SEPTIN14: variants seen among roughly 807,000 people sequenced by gnomAD.
SEPTIN14 encodes septin 14.
Under a neutral mutation model 53.6 loss-of-function variants are expected in SEPTIN14, and 40 were observed. The observed-to-expected ratio is 0.75, with a 90% CI of 0.58 to 0.97. The LOEUF (loss-of-function observed/expected upper bound fraction) is 0.97. SEPTIN14 is among the 50% of genes least tolerant of loss of function. The pLI is 0.00. For missense variants in SEPTIN14, 471 were observed against 508.2 expected, an observed-to-expected ratio of 0.93 and a Z score of 0.70; for synonymous variants, 138 against 166.8, an observed-to-expected ratio of 0.83 and a Z score of 1.33.
chr7:55,827,321 T>C (rs1303736270), intron 6 of SEPTIN14, among the ~76,000 whole-genome samples: 1 of 152,194 alleles, frequency 6.6e-6, no homozygotes, highest in African/African-American at 2.4e-5. Flanking sequence ...GCTGTCTGTA[T>C]TGGCCTGAGG....
chr7:55,806,858 A>G (rs570444089), intron 8 of SEPTIN14, among the ~76,000 whole-genome samples: 1 of 152,324 alleles, frequency 6.6e-6, no homozygotes, highest in South Asian at 2.1e-4. Context: ...TTCAGCATAT[A>G]TACATATTGA....
At chr7:55,829,223 C>CA (rs113532047) in intron 6 of SEPTIN14, among the ~76,000 whole-genome samples, 9 of 151,590 alleles carry the variant, frequency 5.9e-5, no homozygotes, top group South Asian at 2.1e-4. Flanking sequence ...TACTAAAATA[C>CA]AAAAAATCAG....
chr7:55,851,518 A>G lies in SEPTIN14; in HGVS notation c.55-4881T>C, dbSNP rs139997950. On this transcript the variant is annotated intron_variant, in intron 2 of 9. Coordinates refer to ENST00000388975, the MANE Select transcript of SEPTIN14 (RefSeq NM_207366.3). ...CATTTATTCTAGAAATGCAAGGTTAATTCAGCACTCAAAAATCAATAAATG... is the reference window on the plus strand; with the variant it reads ...CATTTATTCTAGAAATGCAAGGTTAGTTCAGCACTCAAAAATCAATAAATG... 2.8e-3 allele frequency among the ~76,000 whole-genome samples: 424 copies of G among 152,310 alleles called. 5 individuals carry two copies. Among genetic ancestry groups the G allele is most frequent in the Middle Eastern group, 0.01 (3 of 294 alleles).
intron 6 of SEPTIN14, among the ~76,000 whole-genome samples, chr7:55,821,368 C>A (rs1320990170): frequency 6.6e-6 from 1 of 152,178 alleles, no homozygotes; most frequent in East Asian, 1.9e-4. Context: ...GGTGGGTAAC[C>A]TGCCATTGTT....
At chr7:55,796,907 A>G (rs1424997555) in intron 9 of SEPTIN14, among the ~76,000 whole-genome samples, 2 of 151,876 alleles carry the variant, frequency 1.3e-5, no homozygotes, top group Non-Finnish European at 2.9e-5. Context: ...GGCAGATCAC[A>G]AGGTCAGGAG....
At chr7:55,816,204 G>T (rs1235268926) in intron 7 of SEPTIN14, among the ~76,000 whole-genome samples, 1 of 152,040 alleles carries the variant, frequency 6.6e-6, no homozygotes, top group East Asian at 1.9e-4. Flanking sequence ...AGCTAGGAAA[G>T]GATTGGGGAG....
intron 3 of SEPTIN14, among the ~76,000 whole-genome samples, chr7:55,846,077 ATATATATATATATATG>A (rs1352621634): frequency 8.1e-6 from 1 of 123,442 alleles, no homozygotes; most frequent in Non-Finnish European, 1.7e-5. Flanking sequence ...ATATATATAT[ATATATATATATATATG>A]TATACATGCT....
chr7:55,810,811 G>A (rs559739692), intron 7 of SEPTIN14: 4 of 241,754 alleles, frequency 1.7e-5, no homozygotes, highest in Admixed American at 4.9e-5. Flanking sequence ...CCTGTGGCAG[G>A]AGTGCACAGA....
At chr7:55,843,602 G>T (rs1214535696) in intron 4 of SEPTIN14, among the ~76,000 whole-genome samples, 1 of 152,216 alleles carries the variant, frequency 6.6e-6, no homozygotes, top group African/African-American at 2.4e-5. Context: ...GGGAGGCCAA[G>T]GTGGGTGGAT....
intron 2 of SEPTIN14, among the ~76,000 whole-genome samples, chr7:55,858,924 T>C (rs1327580226): frequency 6.6e-6 from 1 of 152,192 alleles, no homozygotes; most frequent in African/African-American, 2.4e-5. Context: ...AGAAAAGGCA[T>C]GTCAGTTTCA....
At chr7:55,837,376 C>T (rs1789230328) in intron 5 of SEPTIN14, among the ~76,000 whole-genome samples, 1 of 152,092 alleles carries the variant, frequency 6.6e-6, no homozygotes, top group Admixed American at 6.6e-5. Context: ...CTCAGCCTCC[C>T]AAAGTGCTGG....
intron 6 of SEPTIN14, among the ~76,000 whole-genome samples, chr7:55,828,968 G>A (rs1789038842): frequency 1.3e-5 from 2 of 150,730 alleles, no homozygotes; most frequent in Non-Finnish European, 3.0e-5. Flanking sequence ...CATAAGTTTG[G>A]TTGCTTTACA....
Position 55,855,592 on chromosome 7 carries a change from A to G in SEPTIN14, c.54+6351T>C, listed in dbSNP as rs570197635. Reference sequence around the variant, plus strand: ...TCTTTTTGAGACAGAGTGTCGCTCTATTGACCAGGCTGGAGTGCAGTGGTG... The same window carrying G: ...TCTTTTTGAGACAGAGTGTCGCTCTGTTGACCAGGCTGGAGTGCAGTGGTG... On this transcript the variant is annotated intron_variant, in intron 2 of 9. Transcript: ENST00000388975. Among the ~76,000 whole-genome samples the G allele has an allele frequency of 2.6e-5, 4 of 151,544 alleles. No homozygotes were observed. In the East Asian group the frequency reaches 7.8e-4, roughly 30 times the overall value.
rs1286473140 is a variant in SEPTIN14, at chr7:55,857,433, A to C, written c.54+4510T>G. Among the ~76,000 whole-genome samples, 3 of 136,800 alleles carry C rather than the reference A, an allele frequency of 2.2e-5. No individual in the cohort carries two copies. In the East Asian group the frequency reaches 7.1e-4, roughly 32 times the overall value. 89.7% of individuals were successfully genotyped at this position (136,800 alleles called of 152,430 possible). On this transcript the variant is annotated intron_variant, in intron 2 of 9. Coordinates refer to ENST00000388975, the MANE Select transcript of SEPTIN14 (RefSeq NM_207366.3). ...GAAGAGAAAGAAGAGAGAGAAGAGA[A>C]GAGAGAAAAGGAAAGGAAGGGAAGG... is the stretch of plus-strand genomic sequence containing the variant.
chr7:55,817,472 A>AT (rs1354448195), intron 7 of SEPTIN14, among the ~76,000 whole-genome samples: 51 of 136,240 alleles, frequency 3.7e-4, no homozygotes, highest in Middle Eastern at 3.7e-3. Flanking sequence ...ATATATATAT[A>AT]TATATTTTTT....
rs561567061 is a variant in SEPTIN14 at position 55,804,278 on chromosome 7, T to A, written c.1119+980A>T. ...GTTTGGTTTTTTTTGTTTTTTTTTTTTGAGACGGAGTCTCACTCTCGCCCA... is the reference window on the plus strand; with the variant it reads ...GTTTGGTTTTTTTTGTTTTTTTTTTATGAGACGGAGTCTCACTCTCGCCCA... On this transcript the variant is annotated intron_variant, in intron 9 of 9. Coordinates refer to ENST00000388975, the MANE Select transcript of SEPTIN14 (RefSeq NM_207366.3). 1.2e-3 allele frequency among the ~76,000 whole-genome samples: 180 copies of A among 151,460 alleles called. 1 individual carries two copies. The highest frequency in any genetic ancestry group is 4.2e-3 in the African/African-American group (175 of 41,390).
Position 55,803,968 on chromosome 7 carries a change from C to CA in SEPTIN14, c.1119+1289dup, listed in dbSNP as rs201874545. Among the ~76,000 whole-genome samples, 387 of 115,002 alleles carry CA rather than the reference C, an allele frequency of 3.4e-3. 1 individual carries two copies. Among genetic ancestry groups the CA allele is most frequent in the East Asian group, 6.8e-3 (27 of 3,976 alleles). 75.4% of individuals were successfully genotyped at this position (115,002 alleles called of 152,430 possible). ...TGAAACCCCATCTCTACTAAAAATA[C>CA]AAAAAAAAAAAAAAAAATTTAGTTG... is the stretch of plus-strand genomic sequence containing the variant. On this transcript the variant is annotated intron_variant, in intron 9 of 9. Transcript: ENST00000388975.
At chr7:55,845,663 G>A (rs1789389244) in intron 3 of SEPTIN14, among the ~76,000 whole-genome samples, 1 of 151,992 alleles carries the variant, frequency 6.6e-6, no homozygotes, top group Non-Finnish European at 1.5e-5. Context: ...ATCCATACAT[G>A]TAAATAACTA....
At chr7:55,825,090 A>T (rs894098697) in intron 6 of SEPTIN14, among the ~76,000 whole-genome samples, 95 of 152,356 alleles carry the variant, frequency 6.2e-4, no homozygotes, top group African/African-American at 2.2e-3. Context: ...ACTTGAAAGC[A>T]TCCAAGATGT....
Sources: allele counts gnomAD v4.1 joint callset (sites outside exome capture counted in the v4.1 genomes callset), GRCh38; gene constraint gnomAD v4.1.1; transcripts MANE v1.5; gene names NCBI Gene and HGNC (gene_info 2026-07-23, HGNC 2026-07-21).